RORB: variants seen among roughly 807,000 people sequenced by gnomAD.
RORB encodes the protein RAR related orphan receptor B, also known as nuclear receptor ROR-beta.
Under a neutral mutation model 59.1 loss-of-function variants are expected in RORB, and 6 were observed. The ratio of observed to expected loss-of-function variants is 0.10; its 90% CI spans 0.06 to 0.20. The LOEUF is 0.20. Ranked by LOEUF, RORB falls within the 10% of genes least tolerant of loss-of-function variation. RORB has a pLI of 1.00. For missense variants in RORB, 320 were observed against 560.5 expected (o/e 0.57, Z 4.33); for synonymous variants, 215 against 204.5 (o/e 1.05, Z -0.44).
chr9:74,539,720 G>T (rs573476276), intron 1 of RORB, among the ~76,000 whole-genome samples: 11 of 152,144 alleles, frequency 7.2e-5, no homozygotes, highest in Admixed American at 5.9e-4. Flanking sequence ...ATAAAGAATG[G>T]CAGGGAAGAC....
Position 74,639,513 on chromosome 9 carries a change from T to A in RORB, c.236-2901T>A, listed in dbSNP as rs539938108. 1.6e-3 allele frequency among the ~76,000 whole-genome samples: 236 copies of A among 146,066 alleles called. 1 individual carries two copies. The highest frequency in any genetic ancestry group is 3.6e-3 in the Middle Eastern group (1 of 278). ...GCAAGGATTAAATGGAAAAGGGTTT[T>A]AAAAAAAAAAAACACAAATTTATGT... On this transcript the variant is annotated intron_variant, in intron 3 of 9. Transcript: ENST00000376896.
intron 1 of RORB, among the ~76,000 whole-genome samples, chr9:74,623,185 G>T (rs1656811651): frequency 2.0e-5 from 3 of 152,116 alleles, no homozygotes; most frequent in Non-Finnish European, 4.4e-5. Context: ...ACTGTTTCAA[G>T]AAAGCCTTTG....
chr9:74,612,760 C>A (rs931720012), intron 1 of RORB, among the ~76,000 whole-genome samples: 6 of 152,054 alleles, frequency 3.9e-5, no homozygotes, highest in Admixed American at 2.6e-4. Flanking sequence ...TATTTAATAA[C>A]CTTGAAGTAG....
chr9:74,642,302 C>A, intron 3 of RORB, 112 bp from the exon 4 acceptor site: 2 of 1,043,104 alleles, frequency 1.9e-6, no homozygotes, highest in Non-Finnish European at 2.8e-6. Context: ...TGGTGCTAGA[C>A]ATTTGTGCAT....
intron 4 of RORB, among the ~76,000 whole-genome samples, chr9:74,646,791 T>G (rs1661942119): frequency 6.6e-6 from 1 of 152,168 alleles, no homozygotes; most frequent in Non-Finnish European, 1.5e-5. Context: ...AGAACGAGGT[T>G]TCTGCCCTCA....
intron 8 of RORB, among the ~76,000 whole-genome samples, chr9:74,671,369 G>T (rs1256172817): frequency 6.6e-6 from 1 of 152,140 alleles, no homozygotes; most frequent in Non-Finnish European, 1.5e-5. Context: ...TCTGATGAAA[G>T]AATAAGCTGA....
chr9:74,578,845 T>C (rs766869439), intron 1 of RORB, among the ~76,000 whole-genome samples: 24 of 152,106 alleles, frequency 1.6e-4, no homozygotes, highest in Non-Finnish European at 3.1e-4. Flanking sequence ...TTTGCACAAG[T>C]TCTGATTGCC....
rs142691680 is a variant in RORB, at chr9:74,647,968, A to G, written c.637+5153A>G. Among the ~76,000 whole-genome samples the G allele has an allele frequency of 1.7e-4, 26 of 152,350 alleles. No homozygotes were observed. In the East Asian group the frequency reaches 5.0e-3, roughly 29 times the overall value. ...TATACTGTTTAAATCTATTATGCAC[A>G]TCTAACTACCCATGCAGAAATGGTG... On this transcript the variant is annotated intron_variant, in intron 4 of 9. Transcript: ENST00000376896.
rs1459714001 is a variant in RORB, at chr9:74,685,492, A to G, written c.1254A>G (p.Ala418=). 6.2e-7 allele frequency: 1 copy of G among 1,612,826 alleles called. No homozygotes were observed. The highest frequency in any genetic ancestry group is 8.5e-7 in the Non-Finnish European group (1 of 1,179,120). The change falls in exon 10 of 10, where the codon GCA becomes GCG. Residue 418 remains alanine (A), a synonymous_variant. Transcript: ENST00000376896. ...KLIAKIPTIT[A]VCNLHGEKLQ... is the part of the protein sequence containing the mutation. ...TAGCCAAGATACCAACCATCACGGC[A>G]GTTTGCAACTTGCACGGGGAGAAGC... is the stretch of plus-strand genomic sequence containing the variant.
chr9:74,676,018 A>G (rs1303113808), intron 9 of RORB, among the ~76,000 whole-genome samples: 1 of 152,188 alleles, frequency 6.6e-6, no homozygotes, highest in African/African-American at 2.4e-5. Context: ...AGAGGTGCAG[A>G]GGGTAGAGGA....
rs189629473 is a variant in RORB, at chr9:74,593,426, G to A, written c.8-36856G>A. ...GGTTGCAGTAAGCCGAGATCACACCGTTGCACTCCAGCCTGGGCAACAAGA... is the reference window on the plus strand; with the variant it reads ...GGTTGCAGTAAGCCGAGATCACACCATTGCACTCCAGCCTGGGCAACAAGA... On this transcript the variant is annotated intron_variant, in intron 1 of 9. Coordinates refer to ENST00000376896, the MANE Select transcript of RORB (RefSeq NM_006914.4). 7.6e-5 allele frequency among the ~76,000 whole-genome samples: 11 copies of A among 144,748 alleles called. No homozygotes were observed. The East Asian group carries it at 1.0e-3, about 13-fold the overall frequency. 95.0% of individuals were successfully genotyped at this position (144,748 alleles called of 152,430 possible).
chr9:74,520,925 C>T (rs1826077499), intron 1 of RORB, among the ~76,000 whole-genome samples: 1 of 151,836 alleles, frequency 6.6e-6, no homozygotes, highest in Admixed American at 6.6e-5. Context: ...TGTGATTTAA[C>T]AGATTAATTA....
chr9:74,531,775 C>A (rs1407766364), intron 1 of RORB, among the ~76,000 whole-genome samples: 1 of 151,936 alleles, frequency 6.6e-6, no homozygotes, highest in East Asian at 1.9e-4. Flanking sequence ...TTTCCACACT[C>A]CCCTAGTAAA....
chr9:74,549,601 GAAGGAAGAAAGGAAGGAAGGAAGGAAGA>G (rs1563934589), intron 1 of RORB, among the ~76,000 whole-genome samples: 4,185 of 59,644 alleles, frequency 0.07, 190 homozygotes, highest in Admixed American at 0.11. Flanking sequence ...AGGAAGGAAG[GAAGGAAGAAAGGAAGGAAGGAAGGAAGA>G]AAGGAAAGAA....
intron 1 of RORB, among the ~76,000 whole-genome samples, chr9:74,616,369 AG>A (rs1440626614): frequency 3.4e-4 from 52 of 152,338 alleles, no homozygotes; most frequent in African/African-American, 1.2e-3. Flanking sequence ...TGTTCAAAAA[AG>A]TTCCTGATCA....
chr9:74,661,194 C>CA (rs1475813325), intron 5 of RORB, among the ~76,000 whole-genome samples: 1 of 152,002 alleles, frequency 6.6e-6, no homozygotes, highest in Non-Finnish European at 1.5e-5. Context: ...AAAAAGAATC[C>CA]AAAAAACAGG....
chr9:74,515,317 C>T (rs973126672), intron 1 of RORB, among the ~76,000 whole-genome samples: 15 of 151,544 alleles, frequency 9.9e-5, no homozygotes, highest in Non-Finnish European at 1.9e-4. Context: ...AGTAACTTGT[C>T]CAAAGTCACA....
intron 1 of RORB, among the ~76,000 whole-genome samples, chr9:74,530,573 C>A (rs191199535): frequency 6.6e-6 from 1 of 151,968 alleles, no homozygotes; most frequent in East Asian, 1.9e-4. Flanking sequence ...CAAACACCTA[C>A]GGCTTGTGGT....
chr9:74,655,239 A>T (rs1263373348), intron 4 of RORB, among the ~76,000 whole-genome samples: 1 of 152,184 alleles, frequency 6.6e-6, no homozygotes, highest in Non-Finnish European at 1.5e-5. Context: ...CACTTAAGAA[A>T]TCTCCAGCCT....
Sources: allele counts gnomAD v4.1 joint callset (sites outside exome capture counted in the v4.1 genomes callset), GRCh38; gene constraint gnomAD v4.1.1; transcripts MANE v1.5; gene names NCBI Gene and HGNC (gene_info 2026-07-23, HGNC 2026-07-21).